Variants in TPCN1 observed in about 807,000 individuals in gnomAD.
TPCN1 encodes the protein two pore channel protein 1.
A neutral mutation model predicts 108.8 loss-of-function variants in TPCN1; 52 were observed. That is an observed-to-expected ratio of 0.48 (90% CI 0.38 to 0.60). The LOEUF is 0.60. Ranked by LOEUF, TPCN1 falls within the 20% of genes least tolerant of loss-of-function variation. The pLI is 0.00. For synonymous variants in TPCN1, 446 were observed against 433.7 expected (o/e 1.03, Z -0.35); for missense variants, 806 against 1,072.8 (o/e 0.75, Z 3.47).
chr12:113,273,243 C>G lies in TPCN1; in HGVS notation c.795C>G (p.Thr265=). Residue 265 remains threonine, a synonymous_variant, in exon 9 of 28, where the codon ACC becomes ACG. Transcript: ENST00000335509. This position sits in a 1 kb window ranked among gnomAD's most constrained non-coding sequence, Gnocchi z 4.0. ...SPNPSDPYFS[T]LENSIVSLFV... is the part of the protein sequence containing the mutation. ...CTCTTCCCTTGCAGTACTTCAGCAC[C>G]CTGGAGAACAGCATCGTCAGTCTGT... The G allele has an allele frequency of 1.2e-6, 2 of 1,614,232 alleles. No homozygotes were observed. The highest frequency in any genetic ancestry group is 1.7e-6 in the Non-Finnish European group (2 of 1,180,038).
At chr12:113,228,011 T>C (rs997966089) in intron 2 of TPCN1, among the ~76,000 whole-genome samples, 2 of 152,168 alleles carry the variant, frequency 1.3e-5, no homozygotes, top group African/African-American at 4.8e-5. Context: ...GATTCGAACA[T>C]AAACTTGATT....
Position 113,289,793 on chromosome 12 carries a change from G to C in TPCN1, c.1797-335G>C, listed in dbSNP as rs1013207680. Among the ~76,000 whole-genome samples the C allele has an allele frequency of 6.6e-6, 1 of 152,240 alleles. No individual in the cohort carries two copies. Among genetic ancestry groups the C allele is most frequent in the South Asian group, 2.1e-4 (1 of 4,832 alleles). ...TGTCCAGCCTCAAGAGCAGATCCTA[G>C]ATGGGGCAGGTGCAGAGGAGGCCCT... On this transcript the variant is annotated intron_variant, in intron 21 of 27. Coordinates refer to ENST00000335509, the MANE Select transcript of TPCN1 (RefSeq NM_017901.6). The surrounding 1 kb of genome is among the most constrained non-coding windows in gnomAD (Gnocchi z 4.1).
intron 27 of TPCN1, 56 bp from the exon 28 acceptor site, chr12:113,295,904 G>A: frequency 1.3e-6 from 2 of 1,507,434 alleles, no homozygotes; most frequent in East Asian, 2.5e-5. Flanking sequence ...CTTGTGGGGT[G>A]GGCGGGGCAG....
chr12:113,238,570 C>T (rs1375317700), intron 2 of TPCN1, among the ~76,000 whole-genome samples: 2 of 152,236 alleles, frequency 1.3e-5, no homozygotes, highest in Non-Finnish European at 2.9e-5. Context: ...GCTGAGATTA[C>T]AGGCATGAGC....
At position 113,269,789 on chromosome 12, in the gene TPCN1, C is replaced by A; in HGVS notation, c.692C>A (p.Pro231His). 3.1e-6 allele frequency: 5 copies of A among 1,613,932 alleles called. No individual in the cohort carries two copies. Among genetic ancestry groups the A allele is most frequent in the Non-Finnish European group, 4.2e-6 (5 of 1,180,024 alleles). Residue 231 changes from proline (P) to histidine (H), a missense_variant, in exon 7 of 28, where the codon CCC (proline) becomes CAC (histidine). By Grantham distance (77) the Pro-to-His change is moderately conservative. Coordinates refer to ENST00000335509, the MANE Select transcript of TPCN1 (RefSeq NM_017901.6). The surrounding 1 kb of genome is among the most constrained non-coding windows in gnomAD (Gnocchi z 5.0). ...CGGCAGATCTTCCAGTCCCTGCCGC[C>A]CTTCATGGACATCCTCCTGCTGCTG... ...NLRQIFQSLP[P>H]FMDILLLLLF...
rs563768839 is a variant in TPCN1, at chr12:113,279,345, A to G, written c.1297+510A>G. Among the ~76,000 whole-genome samples the G allele has an allele frequency of 7.1e-3, 628 of 88,290 alleles. 2 individuals are homozygous for G. The highest frequency in any genetic ancestry group is 9.8e-3 in the Non-Finnish European group (486 of 49,382). 57.9% of individuals were successfully genotyped at this position (88,290 alleles called of 152,430 possible). ...TGTGTGTGTGTGTGTGTGTATATAT[A>G]TGTGTGTGTGTGTGTATATATATAT... On this transcript the variant is annotated intron_variant, in intron 14 of 27. Transcript: ENST00000335509.
intron 17 of TPCN1, among the ~76,000 whole-genome samples, chr12:113,285,369 G>C (rs1956034053): frequency 1.3e-5 from 2 of 150,750 alleles, no homozygotes; most frequent in South Asian, 4.2e-4. Flanking sequence ...CAGGCAGGGA[G>C]GATTTCTCTC....
chr12:113,248,656 G>A (rs1329536950), intron 2 of TPCN1, among the ~76,000 whole-genome samples: 1 of 152,226 alleles, frequency 6.6e-6, no homozygotes, highest in Non-Finnish European at 1.5e-5. Context: ...CATGGCGGCA[G>A]CGAGGGGCAG....
At chr12:113,245,621 A>AT (rs1555263065) in intron 2 of TPCN1, among the ~76,000 whole-genome samples, 2 of 149,860 alleles carry the variant, frequency 1.3e-5, no homozygotes, top group Non-Finnish European at 3.0e-5. Context: ...AAAAAAAAAA[A>AT]GAAAAGAAAA....
Position 113,289,402 on chromosome 12 carries a change from AAC to A in TPCN1, c.1796+557_1796+558del, listed in dbSNP as rs1956194591. Among the ~76,000 whole-genome samples the A allele has an allele frequency of 6.6e-6, 1 of 152,234 alleles. No individual in the cohort carries two copies. Among genetic ancestry groups the A allele is most frequent in the Non-Finnish European group, 1.5e-5 (1 of 68,044 alleles). On this transcript the variant is annotated intron_variant, in intron 21 of 27. Transcript: ENST00000335509. The surrounding 1 kb of genome is among the most constrained non-coding windows in gnomAD (Gnocchi z 4.1). ...TTACAGCCTCAAGCACCGATGAAGA[AAC>A]AGTTTTACAAAGACACTGGTAGCTT...
At chr12:113,285,835 A>G in intron 17 of TPCN1, 54 bp from the exon 18 acceptor site, 11 of 1,495,356 alleles carry the variant, frequency 7.4e-6, no homozygotes, top group Non-Finnish European at 1.0e-5. Flanking sequence ...GAGGAGACCG[A>G]GCATGGGGGA....
intron 11 of TPCN1, 65 bp from the exon 12 acceptor site, chr12:113,277,175 T>C (rs995120698): frequency 4.3e-6 from 7 of 1,609,478 alleles, no homozygotes; most frequent in Middle Eastern, 1.7e-4. Context: ...GGAGTGGATC[T>C]GGAGTGGGTG....
intron 11 of TPCN1, 68 bp from the exon 12 acceptor site, chr12:113,277,172 A>C: frequency 6.2e-7 from 1 of 1,609,390 alleles, no homozygotes; most frequent in South Asian, 1.1e-5. Flanking sequence ...GCTGGAGTGG[A>C]TCTGGAGTGG....
In TPCN1 at chr12:113,231,343, G is replaced by A. The variant is rs925410637; in HGVS notation, c.112+4379G>A. ...AAGCCTCTTTCCTTGGCTCGCAAAT[G>A]GTTATCTTCTTGCTGTGTCCCCACA... On this transcript the variant is annotated intron_variant, in intron 2 of 27. Coordinates refer to ENST00000335509, the MANE Select transcript of TPCN1 (RefSeq NM_017901.6). This position sits in a 1 kb window ranked among gnomAD's most constrained non-coding sequence, Gnocchi z 4.3. Among the ~76,000 whole-genome samples the A allele has an allele frequency of 2.6e-5, 4 of 152,220 alleles. No individual in the cohort carries two copies. Among genetic ancestry groups the A allele is most frequent in the African/African-American group, 9.6e-5 (4 of 41,452 alleles).
chr12:113,277,077 C>T, intron 11 of TPCN1, 42 bp downstream of exon 11: 6 of 1,598,074 alleles, frequency 3.8e-6, no homozygotes, highest in Non-Finnish European at 5.1e-6. Flanking sequence ...CCCTGTCCTC[C>T]CTCCCTTGCC....
At chr12:113,226,584 G>A in intron 1 of TPCN1, 144 bp from the exon 2 acceptor site, 1 of 743,516 alleles carries the variant, frequency 1.3e-6, no homozygotes, top group Non-Finnish European at 2.1e-6. Context: ...CCTGGCCCTA[G>A]TTCACCATTT....
At chr12:113,286,453 G>A (rs1006725067) in intron 18 of TPCN1, among the ~76,000 whole-genome samples, 11 of 151,868 alleles carry the variant, frequency 7.2e-5, no homozygotes, top group Non-Finnish European at 5.9e-5. Context: ...CACGCAGAGC[G>A]GAGTTGGGAG....
chr12:113,281,661 T>G (rs1317210675), intron 15 of TPCN1, among the ~76,000 whole-genome samples: 1 of 151,966 alleles, frequency 6.6e-6, no homozygotes, highest in Non-Finnish European at 1.5e-5. Flanking sequence ...ACCTCAGTCT[T>G]CTGAGTAGCT....
chr12:113,239,543 ACCGGTTTCCAAAAACAT>A (rs1009512950), intron 2 of TPCN1, among the ~76,000 whole-genome samples: 2 of 152,210 alleles, frequency 1.3e-5, no homozygotes, highest in African/African-American at 4.8e-5. Flanking sequence ...GGAGTGAGTC[ACCGGTTTCCAAAAACAT>A]CCAGGGTCCC....
Sources: allele counts gnomAD v4.1 joint callset (sites outside exome capture counted in the v4.1 genomes callset), GRCh38; gene constraint gnomAD v4.1.1; non-coding constraint Gnocchi (gnomAD v3.1); transcripts MANE v1.5; gene names NCBI Gene and HGNC (gene_info 2026-07-23, HGNC 2026-07-21).